Variants in SLC24A2 observed in about 807,000 individuals in gnomAD.
SLC24A2 encodes the protein solute carrier family 24 member 2, also known as sodium/potassium/calcium exchanger 2.
In SLC24A2, 36 loss-of-function variants were observed where a neutral mutation model predicts 62.0. The observed-to-expected ratio is 0.58, with a 90% CI of 0.44 to 0.77. The LOEUF (loss-of-function observed/expected upper bound fraction) is 0.77. Ranked by LOEUF, SLC24A2 falls within the 30% of genes least tolerant of loss-of-function variation. The pLI is 0.00. For synonymous variants in SLC24A2, 358 were observed against 294.0 expected, an observed-to-expected ratio of 1.22 and a Z score of -2.23; for missense variants, 846 against 817.9, an observed-to-expected ratio of 1.03 and a Z score of -0.42.
chr9:19,848,163 A>G, the SLC24A2 span, among the ~76,000 whole-genome samples: 1 of 119,962 alleles, frequency 8.3e-6, no homozygotes, highest in Non-Finnish European at 2.1e-5. Flanking sequence ...CTAAACTTGT[A>G]TAGAAGAGGG....
the SLC24A2 span, among the ~76,000 whole-genome samples, chr9:19,992,189 C>G: frequency 0.014 from 2,162 of 152,242 alleles, 53 homozygotes; most frequent in African/African-American, 0.05. Flanking sequence ...TTGAGAATCT[C>G]CAAGAGAACA....
intron 2 of SLC24A2, among the ~76,000 whole-genome samples, chr9:19,693,165 T>A (rs1177033544): frequency 1.3e-5 from 2 of 152,152 alleles, no homozygotes; most frequent in Non-Finnish European, 2.9e-5. Flanking sequence ...TTGTTACATA[T>A]GTATACATGT....
chr9:19,611,048 G>A (rs575020787), intron 4 of SLC24A2, among the ~76,000 whole-genome samples: 6 of 152,248 alleles, frequency 3.9e-5, no homozygotes, highest in East Asian at 1.9e-4. Flanking sequence ...GTGAGAACTC[G>A]GATTCACTTT....
chr9:20,207,097 T>C, the SLC24A2 span, among the ~76,000 whole-genome samples: 35,672 of 152,108 alleles, frequency 0.23, 5,079 homozygotes, highest in East Asian at 0.64. Flanking sequence ...TGAGTAACAT[T>C]CACTGAAGGA....
chr9:19,816,849 A>G, the SLC24A2 span, among the ~76,000 whole-genome samples: 30 of 151,962 alleles, frequency 2.0e-4, no homozygotes, highest in African/African-American at 6.8e-4. Context: ...CCATGATCCA[A>G]TCACCTCCTA....
chr9:19,592,729 G>C (rs1442561528), intron 5 of SLC24A2, among the ~76,000 whole-genome samples: 2 of 152,126 alleles, frequency 1.3e-5, no homozygotes, highest in South Asian at 4.1e-4. Context: ...TAGGAAAAGA[G>C]CCACGTTCAA....
At chr9:20,037,591 G>T in the SLC24A2 span, among the ~76,000 whole-genome samples, 2 of 152,190 alleles carry the variant, frequency 1.3e-5, no homozygotes, top group South Asian at 2.1e-4. Context: ...TGGGGTCCTA[G>T]GGCAAGGGTA....
intron 4 of SLC24A2, among the ~76,000 whole-genome samples, chr9:19,610,205 C>G (rs535290841): frequency 1.3e-5 from 2 of 152,270 alleles, no homozygotes; most frequent in African/African-American, 2.4e-5. Context: ...AAATTTGAAT[C>G]TACACAAGGA....
intron 4 of SLC24A2, among the ~76,000 whole-genome samples, chr9:19,617,780 C>A (rs919046111): frequency 1.3e-5 from 2 of 152,150 alleles, no homozygotes; most frequent in Non-Finnish European, 2.9e-5. Flanking sequence ...TCCTAAGAGC[C>A]CTGGGAAGCC....
intron 7 of SLC24A2, among the ~76,000 whole-genome samples, chr9:19,571,152 T>C (rs1563974184): frequency 6.6e-6 from 1 of 152,076 alleles, no homozygotes; most frequent in Non-Finnish European, 1.5e-5. Context: ...CAGATGTCCT[T>C]GGGGCCTGCC....
intron 1 of SLC24A2, among the ~76,000 whole-genome samples, chr9:19,787,919 T>C (rs1352127909): frequency 6.6e-6 from 1 of 152,198 alleles, no homozygotes; most frequent in Non-Finnish European, 1.5e-5. Flanking sequence ...CTGACTTTAA[T>C]AGGTTAGATA....
At chr9:19,521,835 G>A (rs542734270) in intron 9 of SLC24A2, among the ~76,000 whole-genome samples, 34 of 151,448 alleles carry the variant, frequency 2.2e-4, no homozygotes, top group African/African-American at 8.2e-4. Context: ...TTATTGAAAA[G>A]CAAGGGGAGG....
At chr9:20,227,178 A>T in the SLC24A2 span, among the ~76,000 whole-genome samples, 1 of 152,174 alleles carries the variant, frequency 6.6e-6, no homozygotes, top group Admixed American at 6.6e-5. Context: ...CTGCCATGAC[A>T]CACAGACTCA....
intron 7 of SLC24A2, among the ~76,000 whole-genome samples, chr9:19,554,784 A>G (rs1052257845): frequency 3.9e-5 from 6 of 152,136 alleles, no homozygotes; most frequent in Non-Finnish European, 7.4e-5. Flanking sequence ...CATGGGGTGG[A>G]GGAACAATAT....
chr9:20,187,256 T>C, the SLC24A2 span, among the ~76,000 whole-genome samples: 2 of 152,228 alleles, frequency 1.3e-5, no homozygotes, highest in Non-Finnish European at 2.9e-5. Context: ...AGGTTCTACA[T>C]AAGACCTACT....
At chr9:19,524,418 C>CAAAAAAAAAAAAAAAAAAAAA (rs34416897) in intron 9 of SLC24A2, among the ~76,000 whole-genome samples, 1 of 119,056 alleles carries the variant, frequency 8.4e-6, no homozygotes, top group Non-Finnish European at 1.8e-5. Context: ...AAGATAAAGG[C>CAAAAAAAAAAAAAAAAAAAAA]AAAAAAAAAA....
intron 5 of SLC24A2, among the ~76,000 whole-genome samples, chr9:19,594,106 C>T (rs947235322): frequency 1.3e-5 from 2 of 152,054 alleles, no homozygotes; most frequent in Admixed American, 6.6e-5. Context: ...ATCACCTTCT[C>T]CACAAAATCT....
chr9:20,082,709 C>G, the SLC24A2 span, among the ~76,000 whole-genome samples: 2 of 152,222 alleles, frequency 1.3e-5, no homozygotes, highest in Non-Finnish European at 2.9e-5. Flanking sequence ...TCTGTGCTTC[C>G]CACCTCTATT....
At position 19,537,126 on chromosome 9, in the gene SLC24A2, C is replaced by A. The variant is rs1011538877; in HGVS notation, c.1480-8988G>T. 3.0e-3 allele frequency among the ~76,000 whole-genome samples: 448 copies of A among 151,156 alleles called. 4 individuals carry two copies. The highest frequency in any genetic ancestry group is 8.2e-3 in the African/African-American group (337 of 41,030). On this transcript the variant is annotated intron_variant, in intron 8 of 10. Coordinates refer to ENST00000341998, the MANE Select transcript of SLC24A2 (RefSeq NM_020344.4). ...AGCCCTTTGTGAGATGAGTAGGTTG[C>A]GAAAATTTTCTCCCATGTTGTAGGT...
Sources: gnomAD v4.1 joint callset for allele counts (sites outside exome capture counted in the v4.1 genomes callset) on GRCh38, gnomAD v4.1.1 for gene constraint, MANE v1.5 for transcripts, NCBI Gene and HGNC (gene_info 2026-07-23, HGNC 2026-07-21) for gene names.